Variants in CCDC171 observed in about 807,000 individuals in gnomAD.
CCDC171 encodes the protein coiled-coil domain containing 171.
CCDC171 carries 177 observed loss-of-function variants against 168.2 expected under a neutral mutation model. The observed-to-expected ratio is 1.05, with a 90% CI of 0.93 to 1.19. The LOEUF (loss-of-function observed/expected upper bound fraction) is 1.19, where lower values mean the gene tolerates loss of function less well. Ranked by LOEUF, CCDC171 falls within the 50% of genes most tolerant of loss-of-function variation. CCDC171 has a pLI of 0.00. For synonymous variants in CCDC171, 687 were observed against 540.8 expected, an observed-to-expected ratio of 1.27 and a Z score of -3.75; for missense variants, 1,991 against 1,539.0, an observed-to-expected ratio of 1.29 and a Z score of -4.91.
intron 3 of CCDC171, among the ~76,000 whole-genome samples, chr9:15,996,183 G>T (rs181979249): frequency 4.5e-4 from 69 of 152,160 alleles, no homozygotes; most frequent in African/African-American, 1.6e-3. Context: ...CGGGGTATCT[G>T]CAGGCCTTTT....
chr9:15,591,621 C>T, intron 5 of CCDC171, 65 bp downstream of exon 5: 4 of 888,292 alleles, frequency 4.5e-6, no homozygotes, highest in Non-Finnish European at 6.9e-6. Flanking sequence ...TTGTACATTA[C>T]TTGAAGTTAT....
At chr9:16,088,349 T>G in the CCDC171 span, among the ~76,000 whole-genome samples, 1 of 152,186 alleles carries the variant, frequency 6.6e-6, no homozygotes, top group Non-Finnish European at 1.5e-5. Context: ...CTATTCAACA[T>G]AGTACTGGAA....
intron 7 of CCDC171, among the ~76,000 whole-genome samples, chr9:15,656,016 G>T (rs1056757989): frequency 1.3e-5 from 2 of 152,106 alleles, no homozygotes; most frequent in African/African-American, 4.8e-5. Flanking sequence ...AAACAGTGTG[G>T]CAGTTTCATA....
chr9:16,023,192 C>G (rs1049809041), intron 6 of CCDC171, among the ~76,000 whole-genome samples: 4 of 152,032 alleles, frequency 2.6e-5, no homozygotes, highest in Non-Finnish European at 5.9e-5. Flanking sequence ...CCCTTCCCAG[C>G]AATTTGAACT....
chr9:16,059,563 G>A (rs937513278), intron 1 of CCDC171, among the ~76,000 whole-genome samples: 3 of 133,084 alleles, frequency 2.3e-5, no homozygotes, highest in Non-Finnish European at 4.6e-5. Flanking sequence ...GCCGGACTGC[G>A]GACTGCAGTG....
In CCDC171 at chr9:15,578,853, CA is replaced by C; in HGVS notation, c.184del (p.Ser62AlafsTer27). 1 of 1,611,056 alleles carries C rather than the reference CA, an allele frequency of 6.2e-7. No individual in the cohort carries two copies. Among genetic ancestry groups the C allele is most frequent in the Non-Finnish European group, 8.5e-7 (1 of 1,178,664 alleles). ...EITTKHNAEL[A>X]SYESQIAKLR... ...ATATCAGGAATCTGTTTTTAGCTGG[CA>C]AGCTATGAGAGCCAGATTGCCAAGC... On this transcript the variant is annotated frameshift_variant, in exon 4 of 26. Transcript: ENST00000380701. LOFTEE classifies it high-confidence loss of function.
the CCDC171 span, among the ~76,000 whole-genome samples, chr9:16,069,405 GTGTGCA>G: frequency 8.7e-4 from 132 of 152,340 alleles, 1 homozygote; most frequent in East Asian, 0.017. Context: ...GAGTCCAGCG[GTGTGCA>G]TGTGCATGTG....
Position 15,874,671 on chromosome 9 carries a change from T to A in CCDC171, c.3600+8T>A. ...GAGGTGGTAGCATGCCAGGTTAGAG[T>A]CTAAATAACATTGTTTGCTACTGAG... On this transcript the variant is annotated splice_region_variant and intron_variant, in intron 24 of 25. Transcript: ENST00000380701. 1 of 1,564,378 alleles carries A rather than the reference T, an allele frequency of 6.4e-7. No homozygotes were observed. The highest frequency in any genetic ancestry group is 8.6e-7 in the Non-Finnish European group (1 of 1,156,886).
intron 25 of CCDC171, among the ~76,000 whole-genome samples, chr9:15,948,247 C>T (rs1407505989): frequency 6.7e-6 from 1 of 149,934 alleles, no homozygotes; most frequent in Admixed American, 6.7e-5. Context: ...TGGGTTGGTT[C>T]CAAGTCTTTG....
intron 7 of CCDC171, among the ~76,000 whole-genome samples, chr9:15,640,665 A>C (rs546388467): frequency 1.3e-5 from 2 of 152,260 alleles, no homozygotes; most frequent in Admixed American, 1.3e-4. Flanking sequence ...AGACTAATTG[A>C]ATAATATTAT....
At chr9:15,711,748 C>T (rs1469128375) in intron 11 of CCDC171, among the ~76,000 whole-genome samples, 1 of 152,174 alleles carries the variant, frequency 6.6e-6, no homozygotes, top group African/African-American at 2.4e-5. Context: ...ATGTGTATTG[C>T]TTTGGCACTA....
intron 7 of CCDC171, among the ~76,000 whole-genome samples, chr9:15,633,682 C>T (rs900783862): frequency 4.6e-5 from 7 of 152,160 alleles, no homozygotes; most frequent in African/African-American, 1.4e-4. Context: ...GGGTATATAC[C>T]GAAAGGACTA....
At chr9:15,984,242 C>A (rs1317411091) in intron 3 of CCDC171, among the ~76,000 whole-genome samples, 3 of 58,692 alleles carry the variant, frequency 5.1e-5, no homozygotes, top group Non-Finnish European at 1.1e-4. Flanking sequence ...TTCCAGGCCT[C>A]AGAAAGCATA....
chr9:15,802,530 A>T (rs2058875543), intron 21 of CCDC171, among the ~76,000 whole-genome samples: 1 of 152,082 alleles, frequency 6.6e-6, no homozygotes, highest in South Asian at 2.1e-4. Context: ...TTCCTGTATT[A>T]GTTTGCTAAG....
At chr9:15,591,261 C>T (rs2041987995) in intron 4 of CCDC171, 105 bp from the exon 5 acceptor site, 1 of 672,226 alleles carries the variant, frequency 1.5e-6, no homozygotes, top group Non-Finnish European at 2.6e-6. Flanking sequence ...AATGTTTTAT[C>T]CTAAGATCAT....
chr9:15,792,058 G>T (rs1244699429), intron 21 of CCDC171, among the ~76,000 whole-genome samples: 1 of 152,136 alleles, frequency 6.6e-6, no homozygotes, highest in East Asian at 1.9e-4. Flanking sequence ...CCATCGCAAA[G>T]AAGCTAAAAA....
chr9:15,565,939 T>C (rs2039691909), intron 2 of CCDC171, among the ~76,000 whole-genome samples: 1 of 152,238 alleles, frequency 6.6e-6, no homozygotes, highest in African/African-American at 2.4e-5. Flanking sequence ...CCAAATTGTG[T>C]TCTGAAGTGG....
intron 7 of CCDC171, among the ~76,000 whole-genome samples, chr9:15,631,659 A>C (rs573215873): frequency 2.6e-5 from 4 of 152,340 alleles, no homozygotes; most frequent in South Asian, 4.1e-4. Flanking sequence ...AATCCTCCCT[A>C]ACTCATTTTA....
chr9:15,848,278 A>G (rs1225439922), intron 22 of CCDC171, among the ~76,000 whole-genome samples: 4 of 152,012 alleles, frequency 2.6e-5, no homozygotes, highest in Non-Finnish European at 5.9e-5. Flanking sequence ...TCAATTTACA[A>G]TTAGATTTTT....
Sources: allele counts gnomAD v4.1 joint callset (sites outside exome capture counted in the v4.1 genomes callset), GRCh38; gene constraint gnomAD v4.1.1; transcripts MANE v1.5; gene names NCBI Gene and HGNC (gene_info 2026-07-23, HGNC 2026-07-21).